The following ACSM2B variants were observed in gnomAD, a reference collection of about 807,000 sequenced individuals.
ACSM2B encodes acyl-CoA synthetase medium chain family member 2B, also known as acyl-coenzyme A synthetase ACSM2B, mitochondrial.
Under a neutral mutation model 78.6 loss-of-function variants are expected in ACSM2B, and 58 were observed. The observed-to-expected ratio is 0.74, with a 90% CI of 0.60 to 0.92. The LOEUF is 0.92. Ranked by LOEUF, ACSM2B falls within the 40% of genes least tolerant of loss-of-function variation. The pLI is 0.00. For missense variants in ACSM2B, 688 were observed against 711.2 expected, an observed-to-expected ratio of 0.97 and a Z score of 0.37; for synonymous variants, 257 against 256.8, an observed-to-expected ratio of 1.00 and a Z score of -0.01.
chr16:20,539,120 A>T (rs941472195), intron 13 of ACSM2B, among the ~76,000 whole-genome samples: 2 of 149,442 alleles, frequency 1.3e-5, no homozygotes, highest in African/African-American at 2.5e-5. Flanking sequence ...CTCCCATGGG[A>T]TTGGCTGGAG....
At chr16:20,540,600 A>G (rs1333835679) in intron 13 of ACSM2B, 54 bp downstream of exon 13, 2 of 1,600,188 alleles carry the variant, frequency 1.2e-6, no homozygotes. Context: ...TAAATATAAC[A>G]GGAAAACAAT....
rs59303312 is a variant in ACSM2B, at chr16:20,566,759, G to C, written c.-8-1906C>G. Among the ~76,000 whole-genome samples the C allele has an allele frequency of 6.2e-3, 369 of 59,166 alleles. 24 individuals carry two copies. Among genetic ancestry groups the C allele is most frequent in the African/African-American group, 0.054 (316 of 5,816 alleles). 38.8% of individuals were successfully genotyped at this position (59,166 alleles called of 152,430 possible). On this transcript the variant is annotated intron_variant, in intron 1 of 13. Coordinates refer to ENST00000329697, the MANE Select transcript of ACSM2B (RefSeq NM_001105069.2). The stretch of plus-strand genomic sequence containing the variant: ...GTATATACTATATATACTATATATA[G>C]TATATATAGATATATAGATACAATA...
intron 1 of ACSM2B, among the ~76,000 whole-genome samples, chr16:20,571,367 T>A (rs2016090044): frequency 6.6e-6 from 1 of 151,996 alleles, no homozygotes; most frequent in African/African-American, 2.4e-5. Context: ...TTTCCATGTA[T>A]TCATGTGATT....
chr16:20,543,403 A>G (rs2015054115), intron 10 of ACSM2B, 141 bp from the exon 11 acceptor site: 1 of 1,505,146 alleles, frequency 6.6e-7, no homozygotes, highest in Admixed American at 2.0e-5. Context: ...ACATGCCCTG[A>G]ACCAGCCAAC....
intron 9 of ACSM2B, among the ~76,000 whole-genome samples, chr16:20,545,635 T>C (rs541113291): frequency 2.0e-4 from 30 of 152,322 alleles, no homozygotes; most frequent in Non-Finnish European, 3.8e-4. Context: ...CTACTTAAAC[T>C]CTTTGCTTCA....
chr16:20,543,837 C>G (rs2015066253), intron 10 of ACSM2B, among the ~76,000 whole-genome samples: 1 of 152,138 alleles, frequency 6.6e-6, no homozygotes, highest in African/African-American at 2.4e-5. Flanking sequence ...GGCATGGGCT[C>G]CAGACTGGAA....
At chr16:20,571,006 G>C (rs370519650) in intron 1 of ACSM2B, among the ~76,000 whole-genome samples, 1 of 151,594 alleles carries the variant, frequency 6.6e-6, no homozygotes, top group South Asian at 2.1e-4. Flanking sequence ...AATCTTATTT[G>C]TCTTTTCAAA....
At chr16:20,544,821 AC>A in intron 10 of ACSM2B, 1 of 1,011,156 alleles carries the variant, frequency 9.9e-7, no homozygotes, top group Non-Finnish European at 1.2e-6. Flanking sequence ...TGGGGATGAT[AC>A]CTAGGGGAGA....
Position 20,537,309 on chromosome 16 carries a change from G to T in ACSM2B, c.1683C>A (p.Thr561=), listed in dbSNP as rs1273580376. 9 of 1,613,848 alleles carry T rather than the reference G, an allele frequency of 5.6e-6. No homozygotes were observed. Among genetic ancestry groups the T allele is most frequent in the Non-Finnish European group, 7.6e-6 (9 of 1,179,910 alleles). Residue 561 remains threonine (T), a synonymous_variant, in exon 14 of 14, where the codon ACC becomes ACA. Coordinates refer to ENST00000329697, the MANE Select transcript of ACSM2B (RefSeq NM_001105069.2). ...PKTVTGKIQR[T]KLRDKEWKMS... is the part of the protein sequence containing the mutation. The stretch of plus-strand genomic sequence containing the variant: ...TCTTCCACTCCTTGTCTCGAAGTTT[G>T]GTTCGTTGAATTTTCCCTGTGACAG...
At chr16:20,562,029 C>A (rs527447206) in intron 2 of ACSM2B, among the ~76,000 whole-genome samples, 1 of 151,658 alleles carries the variant, frequency 6.6e-6, no homozygotes, top group Non-Finnish European at 1.5e-5. Flanking sequence ...TATTTGTTGA[C>A]AGATATTTGG....
At chr16:20,551,878 G>C (rs9940852) in intron 6 of ACSM2B, among the ~76,000 whole-genome samples, 2,138 of 152,234 alleles carry the variant, frequency 0.014, 48 homozygotes, top group African/African-American at 0.048. Flanking sequence ...CAGTGGAAGA[G>C]CCCATTACAT....
At chr16:20,568,715 C>A (rs1444731330) in intron 1 of ACSM2B, among the ~76,000 whole-genome samples, 1 of 151,746 alleles carries the variant, frequency 6.6e-6, no homozygotes, top group South Asian at 2.1e-4. Context: ...TCACCACATC[C>A]ACACCAACAT....
intron 1 of ACSM2B, among the ~76,000 whole-genome samples, chr16:20,569,331 C>A (rs578060785): frequency 2.9e-4 from 44 of 152,084 alleles, no homozygotes; most frequent in African/African-American, 9.6e-4. Context: ...GTCCTTTCCC[C>A]ACTTTGTGTT....
intron 1 of ACSM2B, among the ~76,000 whole-genome samples, chr16:20,566,741 C>CTATATATAG (rs1567218647): frequency 2.2e-5 from 1 of 44,810 alleles, no homozygotes; most frequent in Non-Finnish European, 3.5e-5. Flanking sequence ...ATAGTATATA[C>CTATATATAG]TATATATACT....
At position 20,548,435 on chromosome 16, in the gene ACSM2B, G is replaced by T. The variant is rs563063734; in HGVS notation, c.933C>A (p.Ala311=). 34 of 1,613,554 alleles carry T rather than the reference G, an allele frequency of 2.1e-5. No individual in the cohort carries two copies. In the South Asian group the frequency reaches 2.6e-4, roughly 13 times the overall value. The change falls in exon 7 of 14, where the codon GCC becomes GCA. Residue 311 remains alanine, a synonymous_variant. Coordinates refer to ENST00000329697, the MANE Select transcript of ACSM2B (RefSeq NM_001105069.2). The part of the protein sequence containing the change: ...SSYPIKSMMG[A]PIVYRMLLQQ... ...GTAGCAACATCCGGTAAACAATAGG[G>T]GCACCCATCATACTCTTGATTGGAT...
chr16:20,566,734 G>GTATATATAGTA (rs1447077110), intron 1 of ACSM2B, among the ~76,000 whole-genome samples: 1 of 6,326 alleles, frequency 1.6e-4, no homozygotes, highest in African/African-American at 6.6e-4. Context: ...ACTATATATA[G>GTATATATAGTA]TATATACTAT....
Position 20,537,222 on chromosome 16 carries a change from G to A in ACSM2B, c.*36C>T, listed in dbSNP as rs1046180649. On this transcript the variant is annotated 3_prime_UTR_variant, in exon 14 of 14. Coordinates refer to ENST00000329697, the MANE Select transcript of ACSM2B (RefSeq NM_001105069.2). ...GGCCCAAAGGGAAAAGAAAGAGAAA[G>A]AAGAGGGGAATCCAAATGAATGTCT... 2 of 1,609,064 alleles carry A rather than the reference G, an allele frequency of 1.2e-6. No individual in the cohort carries two copies. The highest frequency in any genetic ancestry group is 1.7e-4 in the Middle Eastern group (1 of 6,054).
chr16:20,560,135 C>T (rs28790625), intron 2 of ACSM2B, among the ~76,000 whole-genome samples: 1,935 of 150,928 alleles, frequency 0.013, 137 homozygotes, highest in South Asian at 0.07. Flanking sequence ...TCATCCAAAA[C>T]GAAAACTCTG....
At position 20,561,263 on chromosome 16, in the gene ACSM2B, G is replaced by A. The variant is rs573512052; in HGVS notation, c.178-1816C>T. Reference sequence around the variant, plus strand: ...TTGTTATAAAGGAATATCTGACACTGGGTAATTTATAAAGAAAAAAGTTTA... The same window carrying A: ...TTGTTATAAAGGAATATCTGACACTAGGTAATTTATAAAGAAAAAAGTTTA... On this transcript the variant is annotated intron_variant, in intron 2 of 13. Transcript: ENST00000329697. Among the ~76,000 whole-genome samples the A allele has an allele frequency of 3.5e-4, 53 of 151,830 alleles. No individual in the cohort carries two copies. The East Asian group carries it at 8.7e-3, about 25-fold the overall frequency.
Sources: gnomAD v4.1 joint callset for allele counts (sites outside exome capture counted in the v4.1 genomes callset) on GRCh38, gnomAD v4.1.1 for gene constraint, MANE v1.5 for transcripts, NCBI Gene and HGNC (gene_info 2026-07-23, HGNC 2026-07-21) for gene names.